Variants in LRCH3 observed in about 807,000 individuals in gnomAD.
The protein encoded by LRCH3 is DISP complex protein LRCH3.
In LRCH3, 68 loss-of-function variants were observed where a neutral mutation model predicts 104.5. The observed-to-expected ratio is 0.65, with a 90% CI of 0.54 to 0.80. The LOEUF (loss-of-function observed/expected upper bound fraction) is 0.80. LRCH3 is among the 30% of genes least tolerant of loss of function. The pLI is 0.00. For synonymous variants in LRCH3, 344 were observed against 361.3 expected, an observed-to-expected ratio of 0.95 and a Z score of 0.54; for missense variants, 951 against 953.9, an observed-to-expected ratio of 1.00 and a Z score of 0.04.
chr3:197,875,076 G>A (rs967061891), intron 19 of LRCH3, among the ~76,000 whole-genome samples: 19 of 151,998 alleles, frequency 1.3e-4, no homozygotes, highest in African/African-American at 4.4e-4. Flanking sequence ...GATTACAGGT[G>A]CCCGCCACCA....
intron 4 of LRCH3, among the ~76,000 whole-genome samples, chr3:197,825,281 A>C (rs921708862): frequency 2.0e-5 from 3 of 150,564 alleles, no homozygotes; most frequent in African/African-American, 7.3e-5. Context: ...AGTTGTTTTA[A>C]TTTAATGTGC....
At chr3:197,807,757 G>T (rs1397538049) in intron 1 of LRCH3, among the ~76,000 whole-genome samples, 1 of 151,928 alleles carries the variant, frequency 6.6e-6, no homozygotes, top group East Asian at 1.9e-4. Flanking sequence ...GTATCTCTTT[G>T]TGTAGCTCTC....
Position 197,816,276 on chromosome 3 carries a change from TG to T in LRCH3, c.408-899del, listed in dbSNP as rs1372613768. On this transcript the variant is annotated intron_variant, in intron 2 of 20. Transcript: ENST00000425562. ...TATTTTTATCTTGATAGATGTGGGT[TG>T]TTTTTTTTTCTTTTTCTTTTGAGAC... Among the ~76,000 whole-genome samples, 35 of 152,136 alleles carry T rather than the reference TG, an allele frequency of 2.3e-4. 1 individual carries two copies. The Middle Eastern group carries it at 0.024, about 103-fold the overall frequency.
intron 1 of LRCH3, among the ~76,000 whole-genome samples, chr3:197,805,713 A>G (rs1334031076): frequency 6.6e-6 from 1 of 151,366 alleles, no homozygotes; most frequent in African/African-American, 2.4e-5. Flanking sequence ...GACATGCAGA[A>G]TGGTAAGATC....
intron 13 of LRCH3, among the ~76,000 whole-genome samples, chr3:197,853,108 A>G (rs1049732311): frequency 2.0e-5 from 3 of 152,208 alleles, no homozygotes; most frequent in African/African-American, 7.2e-5. Context: ...GATCTGTTAA[A>G]ATGAAGCTTA....
intron 15 of LRCH3, chr3:197,859,307 C>T: frequency 5.2e-6 from 1 of 191,732 alleles, no homozygotes; most frequent in Non-Finnish European, 1.1e-5. Flanking sequence ...CAACTATGGC[C>T]CCTAGGCCAC....
Position 197,883,003 on chromosome 3 carries a change from C to A in LRCH3, c.2209-538C>A. 1 of 985,336 alleles carries A rather than the reference C, an allele frequency of 1.0e-6. No homozygotes were observed. The highest frequency in any genetic ancestry group is 1.2e-6 in the Non-Finnish European group (1 of 829,912). The allele number at this position is 985,336 out of a possible 1,614,324, so 61.0% of individuals were successfully genotyped here. On this transcript the variant is annotated intron_variant, in intron 20 of 20. Transcript: ENST00000425562. This position sits in a 1 kb window ranked among gnomAD's most constrained non-coding sequence, Gnocchi z 4.2. Reference sequence around the variant, plus strand: ...GCTCAGGATACACTGAGTTTCTTGCCCTATCTGGTCTGGAAACCCTGGTTT... The same window carrying A: ...GCTCAGGATACACTGAGTTTCTTGCACTATCTGGTCTGGAAACCCTGGTTT...
At chr3:197,848,279 A>G in intron 12 of LRCH3, 1 of 378,138 alleles carries the variant, frequency 2.6e-6, no homozygotes, top group Non-Finnish European at 4.8e-6. Context: ...TTCTAGTGTC[A>G]TAGTAAAGAT....
At chr3:197,816,164 TATC>T (rs1269133460) in intron 2 of LRCH3, among the ~76,000 whole-genome samples, 1 of 152,222 alleles carries the variant, frequency 6.6e-6, no homozygotes, top group Non-Finnish European at 1.5e-5. Context: ...AAGTGTGGCT[TATC>T]ATCTCAGTAA....
At chr3:197,804,258 A>G (rs965099133) in intron 1 of LRCH3, among the ~76,000 whole-genome samples, 1 of 152,060 alleles carries the variant, frequency 6.6e-6, no homozygotes, top group African/African-American at 2.4e-5. Context: ...CCTGTCTCAA[A>G]AAAAGAAAAA....
chr3:197,825,030 T>A (rs1001341355), intron 4 of LRCH3, among the ~76,000 whole-genome samples: 2 of 152,236 alleles, frequency 1.3e-5, no homozygotes, highest in Admixed American at 1.3e-4. Flanking sequence ...AATAAATGTC[T>A]TTATTCTATG....
At chr3:197,852,467 ATT>A in intron 12 of LRCH3, 92 bp from the exon 13 acceptor site, 1 of 1,194,286 alleles carries the variant, frequency 8.4e-7, no homozygotes, top group East Asian at 2.4e-5. Context: ...AAAAAAATTA[ATT>A]TGAGTGATTA....
At chr3:197,866,056 TCTG>T in intron 16 of LRCH3, 53 bp from the exon 17 acceptor site, 2 of 1,215,788 alleles carry the variant, frequency 1.6e-6, no homozygotes, top group East Asian at 2.3e-5. Context: ...AACTTGTATG[TCTG>T]CTATTATATT....
rs1342853579 is a variant in LRCH3, at chr3:197,856,552, A to AT, written c.1644+2114dup. Among the ~76,000 whole-genome samples the AT allele has an allele frequency of 1.3e-5, 2 of 151,830 alleles. No individual in the cohort carries two copies. The highest frequency in any genetic ancestry group is 2.4e-5 in the African/African-American group (1 of 41,328). On this transcript the variant is annotated intron_variant, in intron 14 of 20. Coordinates refer to ENST00000425562, the MANE Select transcript of LRCH3 (RefSeq NM_001365715.1). The surrounding 1 kb of genome is among the most constrained non-coding windows in gnomAD (Gnocchi z 4.2). ...CGGGTGCATGCACCACACGTGGCTA[A>AT]TTTTTTTATTTTTTTGTAGAGTCAG...
intron 1 of LRCH3, among the ~76,000 whole-genome samples, chr3:197,803,373 C>G (rs367835306): frequency 1.2e-4 from 19 of 152,140 alleles, no homozygotes; most frequent in Non-Finnish European, 2.2e-4. Context: ...TTAAAAAATA[C>G]GCATCCCTGG....
chr3:197,864,258 A>T (rs1741198334), intron 15 of LRCH3, among the ~76,000 whole-genome samples: 1 of 151,614 alleles, frequency 6.6e-6, no homozygotes, highest in Non-Finnish European at 1.5e-5. Flanking sequence ...GTGAGCTGAG[A>T]GTGCTCTATT....
chr3:197,791,235 G>A, upstream of LRCH3: 2 of 1,594,118 alleles, frequency 1.3e-6, no homozygotes, highest in South Asian at 1.1e-5. Flanking sequence ...CGGTCCGGCC[G>A]CGCATGCGCT....
intron 2 of LRCH3, among the ~76,000 whole-genome samples, chr3:197,815,532 A>G (rs1733705768): frequency 6.6e-6 from 1 of 152,206 alleles, no homozygotes; most frequent in Non-Finnish European, 1.5e-5. Context: ...ATTTTAAGTC[A>G]GCTGTTGTTA....
At chr3:197,878,117 G>C (rs546089603) in intron 20 of LRCH3, among the ~76,000 whole-genome samples, 4 of 152,280 alleles carry the variant, frequency 2.6e-5, no homozygotes, top group African/African-American at 9.6e-5. Context: ...TATGGCATGG[G>C]TTGGTGCAGA....
Sources: gnomAD v4.1 joint callset for allele counts (sites outside exome capture counted in the v4.1 genomes callset) on GRCh38, gnomAD v4.1.1 for gene constraint, Gnocchi (gnomAD v3.1) non-coding constraint, MANE v1.5 for transcripts, NCBI Gene and HGNC (gene_info 2026-07-23, HGNC 2026-07-21) for gene names.